TRAPPC12: variants seen among roughly 807,000 people sequenced by gnomAD.
The protein encoded by TRAPPC12 is trafficking protein particle complex subunit 12.
In TRAPPC12, 61 loss-of-function variants were observed where a neutral mutation model predicts 69.2. The ratio of observed to expected loss-of-function variants is 0.88; its 90% CI spans 0.72 to 1.09. TRAPPC12 has a LOEUF of 1.09. Ranked by LOEUF, TRAPPC12 falls within the 50% of genes least tolerant of loss-of-function variation. The probability of loss-of-function intolerance (pLI) is 0.00; values close to 1 mark genes in which losing one functional copy is unlikely to be tolerated. For synonymous variants in TRAPPC12, 469 were observed against 438.9 expected (o/e 1.07, Z -0.86); for missense variants, 1,101 against 1,016.4 (o/e 1.08, Z -1.13).
chr2:3,408,081 T>C (rs1661827894), intron 3 of TRAPPC12, among the ~76,000 whole-genome samples: 1 of 152,084 alleles, frequency 6.6e-6, no homozygotes, highest in Non-Finnish European at 1.5e-5. Flanking sequence ...CATCACCTCT[T>C]GGACAAGTCT....
At chr2:3,456,680 G>A (rs1665171837) in intron 6 of TRAPPC12, 1 of 190,204 alleles carries the variant, frequency 5.3e-6, no homozygotes. Context: ...CCAGGCTCAG[G>A]TGATCCTCCC....
At chr2:3,446,109 T>C (rs1664491778) in intron 6 of TRAPPC12, among the ~76,000 whole-genome samples, 1 of 152,246 alleles carries the variant, frequency 6.6e-6, no homozygotes, top group African/African-American at 2.4e-5. Flanking sequence ...GAGCCACTCA[T>C]GCTTCTCGTT....
intron 3 of TRAPPC12, among the ~76,000 whole-genome samples, chr2:3,402,368 G>A (rs775143494): frequency 6.6e-6 from 1 of 152,160 alleles, no homozygotes; most frequent in Non-Finnish European, 1.5e-5. Flanking sequence ...AAGGCGGGCA[G>A]ATCACAAGGT....
intron 5 of TRAPPC12, among the ~76,000 whole-genome samples, chr2:3,427,321 A>T (rs1192181171): frequency 6.6e-6 from 1 of 152,080 alleles, no homozygotes; most frequent in Admixed American, 6.5e-5. Context: ...TGGGCCGGGG[A>T]CTGGAACTGG....
chr2:3,479,563 T>C lies in TRAPPC12; in HGVS notation c.*102T>C. On this transcript the variant is annotated 3_prime_UTR_variant, in exon 12 of 12. Coordinates refer to ENST00000324266, the MANE Select transcript of TRAPPC12 (RefSeq NM_016030.6). ...GGAGGAACTCAATAAAACTCCTGCT[T>C]CACTGGTGTCTGCTGCGTGTCTTCT... The C allele has an allele frequency of 7.0e-7, 1 of 1,433,520 alleles. No homozygotes were observed. Among genetic ancestry groups the C allele is most frequent in the Non-Finnish European group, 9.5e-7 (1 of 1,051,808 alleles). 88.8% of individuals were successfully genotyped at this position (1,433,520 alleles called of 1,614,324 possible).
intron 9 of TRAPPC12, among the ~76,000 whole-genome samples, chr2:3,469,251 T>A (rs557927409): frequency 1.3e-5 from 2 of 152,198 alleles, no homozygotes; most frequent in Non-Finnish European, 2.9e-5. Context: ...TGGCTGTGTG[T>A]GAGCCATTCT....
rs1572506530 is a variant in TRAPPC12, at chr2:3,381,453, C to T, written c.-5+1577C>T. Among the ~76,000 whole-genome samples, 3 of 152,284 alleles carry T rather than the reference C, an allele frequency of 2.0e-5. No homozygotes were observed. In the South Asian group the frequency reaches 6.2e-4, roughly 32 times the overall value. Reference sequence around the variant, plus strand: ...AAAATTTTAAACAATTAATTAATCACATTCTTGTGCAAAGCCCTCAACTGG... The same window carrying T: ...AAAATTTTAAACAATTAATTAATCATATTCTTGTGCAAAGCCCTCAACTGG... On this transcript the variant is annotated intron_variant, in intron 1 of 11. Transcript: ENST00000324266.
chr2:3,419,660 A>T (rs909707816), intron 3 of TRAPPC12, among the ~76,000 whole-genome samples: 3 of 151,676 alleles, frequency 2.0e-5, no homozygotes, highest in Admixed American at 2.0e-4. Context: ...AAAAAAAAAA[A>T]TCTACAAGAT....
Position 3,479,486 on chromosome 2 carries a change from A to G in TRAPPC12, c.*25A>G. On this transcript the variant is annotated 3_prime_UTR_variant, in exon 12 of 12. Coordinates refer to ENST00000324266, the MANE Select transcript of TRAPPC12 (RefSeq NM_016030.6). Reference sequence around the variant, plus strand: ...GCTGCCTCCAACACACTACGTCAGAAGGACCCGGGTCTTTGAAACTGTGTC... The same window carrying G: ...GCTGCCTCCAACACACTACGTCAGAGGGACCCGGGTCTTTGAAACTGTGTC... The G allele has an allele frequency of 6.2e-7, 1 of 1,610,984 alleles. No homozygotes were observed. The highest frequency in any genetic ancestry group is 2.2e-5 in the East Asian group (1 of 44,822).
In TRAPPC12 at chr2:3,388,502, C is replaced by G. The variant is rs777042481; in HGVS notation, c.879C>G (p.Pro293=). 71 of 1,612,778 alleles carry G rather than the reference C, an allele frequency of 4.4e-5. No individual in the cohort carries two copies. Among genetic ancestry groups the G allele is most frequent in the Non-Finnish European group, 5.9e-5 (70 of 1,179,706 alleles). ...IQAVFAGSDD[P]FATALSMSEM... is the part of the protein sequence containing the mutation. ...CAGTGTTTGCAGGGAGTGACGACCCCTTTGCCACCGCCCTGAGCATGAGCG... is the reference window on the plus strand; with the variant it reads ...CAGTGTTTGCAGGGAGTGACGACCCGTTTGCCACCGCCCTGAGCATGAGCG... The change falls in exon 2 of 12, where the codon CCC becomes CCG. Residue 293 remains proline, a synonymous_variant. Transcript: ENST00000324266.
At chr2:3,400,614 C>T (rs1013407471) in intron 2 of TRAPPC12, among the ~76,000 whole-genome samples, 3 of 152,200 alleles carry the variant, frequency 2.0e-5, no homozygotes, top group Non-Finnish European at 4.4e-5. Flanking sequence ...CGTCTCCTGC[C>T]GCCCGTGGAG....
chr2:3,394,888 C>T (rs1661033356), intron 2 of TRAPPC12, among the ~76,000 whole-genome samples: 1 of 152,148 alleles, frequency 6.6e-6, no homozygotes, highest in Non-Finnish European at 1.5e-5. Flanking sequence ...CTAGGTGGAA[C>T]TTATTATAAA....
chr2:3,449,784 C>T (rs1212486265), intron 6 of TRAPPC12, among the ~76,000 whole-genome samples: 2 of 152,160 alleles, frequency 1.3e-5, no homozygotes, highest in East Asian at 3.9e-4. Flanking sequence ...CCGTGCCTGA[C>T]CCAGAGGGTT....
chr2:3,474,679 A>ACGTGTG (rs1666224570), intron 9 of TRAPPC12, among the ~76,000 whole-genome samples: 3 of 152,164 alleles, frequency 2.0e-5, no homozygotes, highest in Non-Finnish European at 2.9e-5. Context: ...TGCACAGGTG[A>ACGTGTG]CATCTCAAAA....
chr2:3,406,876 A>G (rs762669319), intron 3 of TRAPPC12, among the ~76,000 whole-genome samples: 1 of 152,246 alleles, frequency 6.6e-6, no homozygotes, highest in Non-Finnish European at 1.5e-5. Flanking sequence ...TGTTATTAAT[A>G]AATATATACA....
chr2:3,470,729 C>T (rs1390928278), intron 9 of TRAPPC12, among the ~76,000 whole-genome samples: 1 of 152,122 alleles, frequency 6.6e-6, no homozygotes, highest in Non-Finnish European at 1.5e-5. Context: ...AAAATTTGAA[C>T]AAGAGCACTG....
chr2:3,463,391 G>A (rs901634895), intron 8 of TRAPPC12, among the ~76,000 whole-genome samples: 23 of 151,526 alleles, frequency 1.5e-4, no homozygotes, highest in Non-Finnish European at 2.9e-4. Flanking sequence ...AGTGGCTGCC[G>A]GCGGGTGCAG....
Position 3,457,521 on chromosome 2 carries a change from TC to T in TRAPPC12, c.1531-99del. The T allele has an allele frequency of 4.6e-6, 4 of 866,954 alleles. No homozygotes were observed. The South Asian group carries it at 5.8e-5, about 12-fold the overall frequency. 53.7% of individuals were successfully genotyped at this position (866,954 alleles called of 1,614,324 possible). ...GTGAACATCCCTTGACAAATTGTTT[TC>T]ATCCAGAGAAATTTGCTGTACTGAG... On this transcript the variant is annotated intron_variant, in intron 6 of 11. Coordinates refer to ENST00000324266, the MANE Select transcript of TRAPPC12 (RefSeq NM_016030.6).
intron 3 of TRAPPC12, among the ~76,000 whole-genome samples, chr2:3,403,378 G>A (rs527675422): frequency 2.6e-5 from 4 of 151,994 alleles, no homozygotes; most frequent in East Asian, 1.9e-4. Context: ...GATTACAGGC[G>A]TGCACCACCA....
Sources: gnomAD v4.1 joint callset for allele counts (sites outside exome capture counted in the v4.1 genomes callset) on GRCh38, gnomAD v4.1.1 for gene constraint, MANE v1.5 for transcripts, NCBI Gene and HGNC (gene_info 2026-07-23, HGNC 2026-07-21) for gene names.